Variants in WBP1L observed in about 807,000 individuals in gnomAD.
The protein encoded by WBP1L is WW domain binding protein 1 like.
Under a neutral mutation model 33.7 loss-of-function variants are expected in WBP1L, and 17 were observed. The observed-to-expected ratio is 0.50, with a 90% CI of 0.34 to 0.76. The LOEUF is 0.76. Ranked by LOEUF, WBP1L falls within the 30% of genes least tolerant of loss-of-function variation. The pLI, the probability that WBP1L is intolerant of heterozygous loss-of-function variation, is 0.01. For synonymous variants in WBP1L, 173 were observed against 190.8 expected, an observed-to-expected ratio of 0.91 and a Z score of 0.77; for missense variants, 389 against 469.4, an observed-to-expected ratio of 0.83 and a Z score of 1.58.
intron 1 of WBP1L, among the ~76,000 whole-genome samples, chr10:102,783,538 C>T (rs528125650): frequency 2.5e-4 from 38 of 152,286 alleles, no homozygotes; most frequent in Admixed American, 7.8e-4. Context: ...GTGAGGCACT[C>T]GGAGAACAAG....
At chr10:102,768,187 G>C (rs1210923887) in intron 1 of WBP1L, among the ~76,000 whole-genome samples, 1 of 151,820 alleles carries the variant, frequency 6.6e-6, no homozygotes, top group African/African-American at 2.4e-5. Flanking sequence ...TCGTTCTCCT[G>C]CCTCAGCCTC....
chr10:102,787,831 A>G (rs1376907884), intron 1 of WBP1L, among the ~76,000 whole-genome samples: 1 of 151,308 alleles, frequency 6.6e-6, no homozygotes, highest in Non-Finnish European at 1.5e-5. Flanking sequence ...TAATCCCAGC[A>G]CTTTGGGAGG....
At chr10:102,809,827 C>G in intron 2 of WBP1L, 66 bp from the exon 3 acceptor site, 6 of 1,536,552 alleles carry the variant, frequency 3.9e-6, no homozygotes, top group Non-Finnish European at 5.3e-6. Context: ...CCTCCCTGTT[C>G]CGCAAGCTGC....
Position 102,814,686 on chromosome 10 carries a change from G to A in WBP1L, c.*1355G>A, listed in dbSNP as rs1843904564. ...AAGCAGCCATCCGGAAGGCCCTGGG[G>A]ACCCTTGTGCCTGTTGCTCGCCTTC... On this transcript the variant is annotated 3_prime_UTR_variant, in exon 4 of 4. Transcript: ENST00000448841. 6.6e-6 allele frequency: 1 copy of A among 151,936 alleles called. No individual in the cohort carries two copies. Among genetic ancestry groups the A allele is most frequent in the Non-Finnish European group, 1.5e-5 (1 of 67,888 alleles). 9.4% of individuals were successfully genotyped at this position (151,936 alleles called of 1,614,324 possible).
At chr10:102,803,670 G>A (rs1171248289) in intron 2 of WBP1L, among the ~76,000 whole-genome samples, 6 of 150,732 alleles carry the variant, frequency 4.0e-5, no homozygotes, top group South Asian at 2.1e-4. Context: ...GTGCAGTGGC[G>A]CTATCTTGGC....
At chr10:102,804,414 T>A (rs1025316090) in intron 2 of WBP1L, among the ~76,000 whole-genome samples, 1 of 150,720 alleles carries the variant, frequency 6.6e-6, no homozygotes, top group Non-Finnish European at 1.5e-5. Context: ...AAGCCCTTTT[T>A]TTTTTAAAAA....
chr10:102,767,919 A>C (rs1477698608), intron 1 of WBP1L, among the ~76,000 whole-genome samples: 1 of 152,030 alleles, frequency 6.6e-6, no homozygotes, highest in African/African-American at 2.4e-5. Context: ...TCTACCCCCA[A>C]CTAATCTTTG....
In WBP1L at chr10:102,813,036, G is replaced by A. The variant is rs759346566; in HGVS notation, c.797G>A (p.Arg266His). ...SKEKTPGRHR[R>H]FTGDSGIEVC... is the part of the protein sequence containing the mutation. ...GAGAAGACGCCTGGGAGACATCGCC[G>A]CTTCACAGGTGACTCGGGCATTGAA... The change falls in exon 4 of 4, where the codon CGC (arginine) becomes CAC (histidine). Residue 266 changes from arginine (R) to histidine (H), a missense_variant. Transcript: ENST00000448841. 2.3e-5 allele frequency: 37 copies of A among 1,613,724 alleles called. No individual in the cohort carries two copies. Among genetic ancestry groups the A allele is most frequent in the South Asian group, 7.7e-5 (7 of 91,080 alleles).
intron 1 of WBP1L, chr10:102,776,500 A>T (rs771863333): frequency 6.3e-7 from 1 of 1,585,552 alleles, no homozygotes; most frequent in Non-Finnish European, 8.7e-7. Context: ...GGGTGGAGGG[A>T]ATATTTTAGC....
At chr10:102,747,903 C>T (rs1421120965) in intron 1 of WBP1L, among the ~76,000 whole-genome samples, 1 of 152,100 alleles carries the variant, frequency 6.6e-6, no homozygotes, top group Non-Finnish European at 1.5e-5. Flanking sequence ...GTAACTCAGC[C>T]AGTGGTTTAG....
At chr10:102,806,235 TAAA>T (rs10588358) in intron 2 of WBP1L, among the ~76,000 whole-genome samples, 12 of 145,074 alleles carry the variant, frequency 8.3e-5, no homozygotes, top group South Asian at 2.2e-4. Flanking sequence ...AACAATAAAG[TAAA>T]AAAAAAAAAA....
rs1198684240 is a variant in WBP1L at position 102,813,538 on chromosome 10, T to C, written c.*207T>C. Reference sequence around the variant, plus strand: ...CCTCTTCCTCCACAAGGGCACAGTGTTGTGGAGGGCTAAGTTGGTTCTGTG... The same window carrying C: ...CCTCTTCCTCCACAAGGGCACAGTGCTGTGGAGGGCTAAGTTGGTTCTGTG... On this transcript the variant is annotated 3_prime_UTR_variant, in exon 4 of 4. Coordinates refer to ENST00000448841, the MANE Select transcript of WBP1L (RefSeq NM_001083913.2). The C allele has an allele frequency of 1.5e-6, 1 of 666,576 alleles. No individual in the cohort carries two copies. Among genetic ancestry groups the C allele is most frequent in the Non-Finnish European group, 2.5e-6 (1 of 402,600 alleles). 41.3% of individuals were successfully genotyped at this position (666,576 alleles called of 1,614,324 possible).
At chr10:102,756,769 G>A (rs910767110) in intron 1 of WBP1L, among the ~76,000 whole-genome samples, 1 of 151,944 alleles carries the variant, frequency 6.6e-6, no homozygotes, top group Non-Finnish European at 1.5e-5. Flanking sequence ...GTTTACATTC[G>A]CATCAATAGG....
chr10:102,812,449 C>T, intron 3 of WBP1L, 146 bp from the exon 4 acceptor site: 1 of 961,778 alleles, frequency 1.0e-6, no homozygotes, highest in Non-Finnish European at 1.5e-6. Flanking sequence ...GCTGTCTCTC[C>T]TCTGCTCACA....
intron 2 of WBP1L, among the ~76,000 whole-genome samples, chr10:102,800,070 T>C (rs1843633770): frequency 1.3e-5 from 2 of 152,082 alleles, no homozygotes; most frequent in South Asian, 2.1e-4. Context: ...GGCACAGTCA[T>C]TGTTGCTATT....
At chr10:102,786,313 A>G (rs1437578314) in intron 1 of WBP1L, among the ~76,000 whole-genome samples, 1 of 152,204 alleles carries the variant, frequency 6.6e-6, no homozygotes, top group East Asian at 1.9e-4. Context: ...GTGTTGGGAC[A>G]CGTTTGGGAT....
chr10:102,745,427 A>G (rs1842854269), intron 1 of WBP1L, among the ~76,000 whole-genome samples: 1 of 152,154 alleles, frequency 6.6e-6, no homozygotes, highest in South Asian at 2.1e-4. Context: ...ACCCCAATAG[A>G]AAACCTCGTC....
At chr10:102,767,351 C>T (rs1387336064) in intron 1 of WBP1L, among the ~76,000 whole-genome samples, 1 of 152,204 alleles carries the variant, frequency 6.6e-6, no homozygotes, top group Non-Finnish European at 1.5e-5. Flanking sequence ...TCAGCTTCTG[C>T]TACTTTTATT....
At chr10:102,776,508 A>AGCAAATGCCT in intron 1 of WBP1L, 2 of 1,553,814 alleles carry the variant, frequency 1.3e-6, no homozygotes, top group Non-Finnish European at 1.8e-6. Context: ...GGAATATTTT[A>AGCAAATGCCT]GCAAATGCCT....
Sources: gnomAD v4.1 joint callset for allele counts (sites outside exome capture counted in the v4.1 genomes callset) on GRCh38, gnomAD v4.1.1 for gene constraint, MANE v1.5 for transcripts, NCBI Gene and HGNC (gene_info 2026-07-23, HGNC 2026-07-21) for gene names.